SMARCAL1: variants seen among roughly 807,000 people sequenced by gnomAD.
The protein encoded by SMARCAL1 is ATP-driven annealing helicase.
In SMARCAL1, 58 loss-of-function variants were observed where a neutral mutation model predicts 94.5. The ratio of observed to expected loss-of-function variants is 0.61; its 90% CI spans 0.50 to 0.76. SMARCAL1 has a LOEUF of 0.76. Ranked by LOEUF, SMARCAL1 falls within the 30% of genes least tolerant of loss-of-function variation. The pLI is 0.00. For synonymous variants in SMARCAL1, 422 were observed against 455.1 expected (o/e 0.93, Z 0.93); for missense variants, 1,051 against 1,177.9 (o/e 0.89, Z 1.58).
At position 216,415,352 on chromosome 2, in the gene SMARCAL1, C is replaced by T. The variant is rs753215593; in HGVS notation, c.648C>T (p.Pro216=). Residue 216 remains proline (P), a synonymous_variant, in exon 3 of 18, where the codon CCC becomes CCT. Coordinates refer to ENST00000357276, the MANE Select transcript of SMARCAL1 (RefSeq NM_014140.4). ...ATTCTAGCTCAGAGAGTGTAACGCC[C>T]AGGACAGAAGGAAGACTCCAGCAGA... ...YIHSSSESVT[P]RTEGRLQQKS... 2.4e-5 allele frequency: 39 copies of T among 1,614,082 alleles called. No homozygotes were observed. Among genetic ancestry groups the T allele is most frequent in the Non-Finnish European group, 3.1e-5 (36 of 1,180,048 alleles).
chr2:216,462,175 T>G (rs1237550634), intron 12 of SMARCAL1, among the ~76,000 whole-genome samples: 2 of 152,240 alleles, frequency 1.3e-5, no homozygotes, highest in Non-Finnish European at 2.9e-5. Flanking sequence ...CAACTCTAGG[T>G]GCTAAATGTT....
chr2:216,459,113 A>C (rs1694638359), intron 12 of SMARCAL1, among the ~76,000 whole-genome samples: 1 of 152,216 alleles, frequency 6.6e-6, no homozygotes, highest in African/African-American at 2.4e-5. Flanking sequence ...ATACCTAGGA[A>C]TCCAACTTAC....
At chr2:216,428,456 A>G (rs2106028905) in intron 6 of SMARCAL1, 140 bp from the exon 7 acceptor site, 2 of 789,148 alleles carry the variant, frequency 2.5e-6, no homozygotes, top group South Asian at 2.9e-5. Flanking sequence ...GGTCCTGACT[A>G]GAAGAGATTT....
rs530581648 is a variant in SMARCAL1, at chr2:216,469,929, A to T, written c.2244+1883A>T. ...TAATTTTACCAATCCAGAGAAATGA[A>T]ATATCATCTCATTCTTGCTCTAATT... On this transcript the variant is annotated intron_variant, in intron 14 of 17. Transcript: ENST00000357276. Among the ~76,000 whole-genome samples the T allele has an allele frequency of 1.6e-4, 24 of 152,240 alleles. No individual in the cohort carries two copies. In the South Asian group the frequency reaches 5.0e-3, roughly 32 times the overall value.
chr2:216,448,288 C>T (rs1406816163), intron 11 of SMARCAL1, among the ~76,000 whole-genome samples: 4 of 152,182 alleles, frequency 2.6e-5, no homozygotes. Context: ...TCCCTCAAAA[C>T]TCTTCATGTA....
intron 6 of SMARCAL1, among the ~76,000 whole-genome samples, chr2:216,424,873 G>A (rs1294237162): frequency 6.6e-6 from 1 of 152,176 alleles, no homozygotes; most frequent in Non-Finnish European, 1.5e-5. Flanking sequence ...CTCTCTGGCT[G>A]CTACTATTTG....
At chr2:216,459,199 G>A (rs961186845) in intron 12 of SMARCAL1, among the ~76,000 whole-genome samples, 2 of 152,126 alleles carry the variant, frequency 1.3e-5, no homozygotes, top group South Asian at 4.1e-4. Flanking sequence ...ACAGACAAAT[G>A]GAAGAACATT....
At chr2:216,418,545 G>A (rs1459209926) in intron 4 of SMARCAL1, among the ~76,000 whole-genome samples, 2 of 152,000 alleles carry the variant, frequency 1.3e-5, no homozygotes, top group Non-Finnish European at 2.9e-5. Flanking sequence ...AATTGTCTCT[G>A]TGTCAGTCTT....
intron 7 of SMARCAL1, among the ~76,000 whole-genome samples, chr2:216,432,117 G>C (rs1693977589): frequency 6.6e-6 from 1 of 151,788 alleles, no homozygotes; most frequent in African/African-American, 2.4e-5. Flanking sequence ...TGCCTCCCGG[G>C]TTCAAGCGAT....
intron 5 of SMARCAL1, among the ~76,000 whole-genome samples, chr2:216,421,011 A>G (rs956525098): frequency 1.3e-5 from 2 of 152,126 alleles, no homozygotes; most frequent in African/African-American, 4.8e-5. Context: ...CATGGAGCCA[A>G]ACTTTTGCGT....
chr2:216,447,291 G>C (rs988639358), intron 11 of SMARCAL1, 133 bp downstream of exon 11: 1 of 1,135,136 alleles, frequency 8.8e-7, no homozygotes, highest in Non-Finnish European at 1.3e-6. Context: ...TAGTCTTTCT[G>C]TTTCTTACTA....
chr2:216,470,872 A>AGC (rs1418094628), intron 14 of SMARCAL1, among the ~76,000 whole-genome samples: 2 of 142,110 alleles, frequency 1.4e-5, no homozygotes, highest in Non-Finnish European at 3.1e-5. Flanking sequence ...AAAAAGCAGG[A>AGC]GCGATATCTA....
At chr2:216,435,974 G>GT (rs1176065466) in intron 9 of SMARCAL1, among the ~76,000 whole-genome samples, 1 of 152,096 alleles carries the variant, frequency 6.6e-6, no homozygotes, top group Non-Finnish European at 1.5e-5. Flanking sequence ...GTTTTTCTGT[G>GT]TTGTTTTTTT....
chr2:216,416,336 G>A, intron 4 of SMARCAL1, 29 bp downstream of exon 4: 1 of 1,582,028 alleles, frequency 6.3e-7, no homozygotes, highest in African/African-American at 1.3e-5. Context: ...GTCTCATGGA[G>A]GGTGGCACTG....
chr2:216,481,451 C>T (rs888313652), intron 17 of SMARCAL1, among the ~76,000 whole-genome samples: 1 of 151,830 alleles, frequency 6.6e-6, no homozygotes, highest in Non-Finnish European at 1.5e-5. Context: ...CCGCCTCGGC[C>T]TCCCAAAGTG....
At chr2:216,445,770 C>T (rs1416834862) in intron 10 of SMARCAL1, among the ~76,000 whole-genome samples, 1 of 152,142 alleles carries the variant, frequency 6.6e-6, no homozygotes, top group Admixed American at 6.5e-5. Flanking sequence ...CATAGCTCTC[C>T]CATCATAATG....
At chr2:216,480,717 G>A (rs532980770) in intron 17 of SMARCAL1, among the ~76,000 whole-genome samples, 2 of 152,326 alleles carry the variant, frequency 1.3e-5, no homozygotes, top group African/African-American at 4.8e-5. Flanking sequence ...CTTCACCAAT[G>A]TGGAGGGATT....
chr2:216,469,612 T>C (rs773057795), intron 14 of SMARCAL1, among the ~76,000 whole-genome samples: 17 of 152,214 alleles, frequency 1.1e-4, no homozygotes, highest in Non-Finnish European at 2.5e-4. Flanking sequence ...TGTATCTCAT[T>C]GGATAGCTAT....
intron 10 of SMARCAL1, among the ~76,000 whole-genome samples, chr2:216,444,376 G>A (rs1230942139): frequency 6.6e-6 from 1 of 151,816 alleles, no homozygotes; most frequent in African/African-American, 2.4e-5. Flanking sequence ...AGTAAAGCAA[G>A]TTACTGGCTC....
Sources: gnomAD v4.1 joint callset for allele counts (sites outside exome capture counted in the v4.1 genomes callset) on GRCh38, gnomAD v4.1.1 for gene constraint, MANE v1.5 for transcripts, NCBI Gene and HGNC (gene_info 2026-07-23, HGNC 2026-07-21) for gene names.